Variants in PKNOX1 observed in about 807,000 individuals in gnomAD.
The protein encoded by PKNOX1 is homeobox protein PKNOX1.
Under a neutral mutation model 51.9 loss-of-function variants are expected in PKNOX1, and 15 were observed. The observed-to-expected ratio is 0.29, with a 90% CI of 0.19 to 0.45. The LOEUF (loss-of-function observed/expected upper bound fraction) is 0.45, where lower values mean the gene tolerates loss of function less well. Among genes scored for constraint, PKNOX1 ranks in the 20% least tolerant of loss-of-function variants. PKNOX1 has a pLI of 1.00. For missense variants in PKNOX1, 462 were observed against 547.5 expected, an observed-to-expected ratio of 0.84 and a Z score of 1.56; for synonymous variants, 219 against 211.1, an observed-to-expected ratio of 1.04 and a Z score of -0.32.
intron 1 of PKNOX1, among the ~76,000 whole-genome samples, chr21:42,977,050 G>A (rs2059000719): frequency 1.3e-5 from 2 of 152,222 alleles, no homozygotes; most frequent in South Asian, 4.1e-4. Flanking sequence ...GCCCTTGGGT[G>A]ACTAGGTACA....
At chr21:42,999,183 C>T (rs1978638454) in intron 1 of PKNOX1, among the ~76,000 whole-genome samples, 1 of 152,244 alleles carries the variant, frequency 6.6e-6, no homozygotes, top group Admixed American at 6.5e-5. Context: ...GCTTGAGGTA[C>T]CCTCTGAAGC....
chr21:43,029,640 C>T (rs1437696857), intron 10 of PKNOX1, among the ~76,000 whole-genome samples: 1 of 151,784 alleles, frequency 6.6e-6, no homozygotes, highest in African/African-American at 2.4e-5. Context: ...ACCGTGTTCA[C>T]CAGGATGGTC....
intron 1 of PKNOX1, among the ~76,000 whole-genome samples, chr21:42,981,752 A>C (rs952946223): frequency 6.6e-6 from 1 of 152,004 alleles, no homozygotes; most frequent in East Asian, 1.9e-4. Flanking sequence ...TCTGCGATTG[A>C]CGCTGGAATG....
At chr21:43,019,950 T>A (rs897404052) in intron 7 of PKNOX1, among the ~76,000 whole-genome samples, 1 of 90,176 alleles carries the variant, frequency 1.1e-5, no homozygotes, top group Admixed American at 1.3e-4. Flanking sequence ...TTTTTTTTTT[T>A]AAGAGACGGT....
At position 43,021,317 on chromosome 21, in the gene PKNOX1, A is replaced by G; in HGVS notation, c.735A>G (p.Leu245=). 6.2e-7 allele frequency: 1 copy of G among 1,606,290 alleles called. No individual in the cohort carries two copies. The highest frequency in any genetic ancestry group is 8.5e-7 in the Non-Finnish European group (1 of 1,175,674). The change falls in exon 8 of 11, where the codon TTA becomes TTG. Residue 245 remains leucine, a synonymous_variant. Coordinates refer to ENST00000291547, the MANE Select transcript of PKNOX1 (RefSeq NM_004571.5). This position sits in a 1 kb window ranked among gnomAD's most constrained non-coding sequence, Gnocchi z 4.6. ...RIQNSQLQLQ[L]NQDLSILHQD... ...AACTTTAAAAGCTTCAGTTACAGTT[A>G]AACCAAGATCTCAGCATCTTGCATC...
chr21:43,012,979 T>C, intron 4 of PKNOX1, 89 bp from the exon 5 acceptor site: 1 of 1,014,292 alleles, frequency 9.9e-7, no homozygotes, highest in Non-Finnish European at 1.5e-6. Flanking sequence ...GATGGTTCTA[T>C]CTAATGACTA....
At chr21:43,010,300 C>A in intron 4 of PKNOX1, 76 bp downstream of exon 4, 1 of 759,454 alleles carries the variant, frequency 1.3e-6, no homozygotes, top group Non-Finnish European at 2.1e-6. Context: ...CTAAGTAGAA[C>A]TTTAGACTGC....
chr21:43,003,724 C>A (rs1184495411), intron 1 of PKNOX1, among the ~76,000 whole-genome samples: 1 of 152,152 alleles, frequency 6.6e-6, no homozygotes, highest in African/African-American at 2.4e-5. Context: ...ACTGCCGCAC[C>A]CCAGGCCCAG....
chr21:43,004,084 A>G, intron 1 of PKNOX1: 1 of 246,318 alleles, frequency 4.1e-6, no homozygotes, highest in Non-Finnish European at 8.1e-6. Flanking sequence ...CTAAAAACAC[A>G]AAATTATCCA....
In PKNOX1 at chr21:43,021,324, G is replaced by A. The variant is rs1979744002; in HGVS notation, c.742G>A (p.Asp248Asn). ...NSQLQLQLNQ[D>N]LSILHQDDGS... ...AAAGCTTCAGTTACAGTTAAACCAA[G>A]ATCTCAGCATCTTGCATCAAGATGA... The change falls in exon 8 of 11, where the codon GAT becomes AAT. Residue 248 changes from aspartate (D) to asparagine (N), a missense_variant. Around this residue, in one of 5 missense-constraint regions of PKNOX1, gnomAD observed 126 missense variants for 128.1 expected, o/e 0.98. Coordinates refer to ENST00000291547, the MANE Select transcript of PKNOX1 (RefSeq NM_004571.5). The surrounding 1 kb of genome is among the most constrained non-coding windows in gnomAD (Gnocchi z 4.6). The A allele has an allele frequency of 1.2e-6, 2 of 1,608,412 alleles. No individual in the cohort carries two copies. The highest frequency in any genetic ancestry group is 1.7e-6 in the Non-Finnish European group (2 of 1,176,788).
At chr21:42,998,732 C>G (rs1377954108) in intron 1 of PKNOX1, among the ~76,000 whole-genome samples, 1 of 152,234 alleles carries the variant, frequency 6.6e-6, no homozygotes, top group Non-Finnish European at 1.5e-5. Flanking sequence ...CCTTTGACTG[C>G]ATGTCTCACA....
At chr21:43,002,417 T>G (rs1978802568) in intron 1 of PKNOX1, among the ~76,000 whole-genome samples, 1 of 110,310 alleles carries the variant, frequency 9.1e-6, no homozygotes, top group Non-Finnish European at 1.8e-5. Flanking sequence ...CCCTCCCTTG[T>G]ATCCACAACT....
intron 7 of PKNOX1, among the ~76,000 whole-genome samples, chr21:43,019,413 A>AAG (rs1387429094): frequency 2.0e-5 from 3 of 150,778 alleles, no homozygotes; most frequent in Non-Finnish European, 4.4e-5. Flanking sequence ...AATAAACAAA[A>AAG]AAAAAACACA....
intron 1 of PKNOX1, among the ~76,000 whole-genome samples, chr21:42,988,262 G>A (rs1452855888): frequency 6.6e-6 from 1 of 151,812 alleles, no homozygotes; most frequent in Non-Finnish European, 1.5e-5. Flanking sequence ...TGTTGGCCAG[G>A]CTGGTCTCAA....
rs1979760340 is a variant in PKNOX1 at position 43,021,641 on chromosome 21, A to AGCACATGT, written c.849+212_849+219dup. On this transcript the variant is annotated intron_variant, in intron 8 of 10. Transcript: ENST00000291547. This position sits in a 1 kb window ranked among gnomAD's most constrained non-coding sequence, Gnocchi z 4.6. ...GAGGGCTGCCGTGAAGGAGCACCCG[A>AGCACATGT]GCACATGTGAGGCGTACACGTGTGT... Among the ~76,000 whole-genome samples the AGCACATGT allele has an allele frequency of 6.6e-6, 1 of 152,176 alleles. No individual in the cohort carries two copies. The highest frequency in any genetic ancestry group is 2.1e-4 in the South Asian group (1 of 4,836).
At position 43,021,562 on chromosome 21, in the gene PKNOX1, A is replaced by C. The variant is rs1979754863; in HGVS notation, c.849+131A>C. On this transcript the variant is annotated intron_variant, in intron 8 of 10. Coordinates refer to ENST00000291547, the MANE Select transcript of PKNOX1 (RefSeq NM_004571.5). The surrounding 1 kb of genome is among the most constrained non-coding windows in gnomAD (Gnocchi z 4.6). ...GGCCTGACTTTCAGGACTTTGTGGC[A>C]TGTCCATAATGTGGGGAGCGTGGGG... 1.6e-5 allele frequency: 17 copies of C among 1,091,980 alleles called. 1 individual carries two copies. Among genetic ancestry groups the C allele is most frequent in the Non-Finnish European group, 1.8e-5 (14 of 777,872 alleles). 67.6% of individuals were successfully genotyped at this position (1,091,980 alleles called of 1,614,324 possible).
rs370963574 is a variant in PKNOX1 at position 42,992,426 on chromosome 21, G to A, written c.-56-11900G>A. Reference sequence around the variant, plus strand: ...CGTCTTCTAGAGTAGTCTGGTCACAGCTAGTGTGAACCCCCCGGTCACACT... The same window carrying A: ...CGTCTTCTAGAGTAGTCTGGTCACAACTAGTGTGAACCCCCCGGTCACACT... On this transcript the variant is annotated intron_variant, in intron 1 of 10. Transcript: ENST00000291547. Among the ~76,000 whole-genome samples, 8 of 152,268 alleles carry A rather than the reference G, an allele frequency of 5.3e-5. No homozygotes were observed. The South Asian group carries it at 6.2e-4, about 12-fold the overall frequency.
chr21:42,977,485 T>C (rs1364932465), intron 1 of PKNOX1, among the ~76,000 whole-genome samples: 3 of 152,042 alleles, frequency 2.0e-5, no homozygotes, highest in South Asian at 2.1e-4. Flanking sequence ...TTTCGTGTTA[T>C]GGGGACAGCT....
rs1386919041 is a variant in PKNOX1, at chr21:42,981,039, C to A, written c.-57+6375C>A. ...CGGCACAGATAGGGGAACCCAAAGC[C>A]TAACAGTGTGTGTCCTTGGAGGTGA... On this transcript the variant is annotated intron_variant, in intron 1 of 10. Coordinates refer to ENST00000291547, the MANE Select transcript of PKNOX1 (RefSeq NM_004571.5). 3.3e-5 allele frequency among the ~76,000 whole-genome samples: 5 copies of A among 152,196 alleles called. No homozygotes were observed. In the South Asian group the frequency reaches 1.0e-3, roughly 32 times the overall value.
Sources: allele counts gnomAD v4.1 joint callset (sites outside exome capture counted in the v4.1 genomes callset), GRCh38; gene constraint gnomAD v4.1.1; regional missense constraint gnomAD v4.1.1; non-coding constraint Gnocchi (gnomAD v3.1); transcripts MANE v1.5; gene names NCBI Gene and HGNC (gene_info 2026-07-23, HGNC 2026-07-21).